The following STIM1 variants were observed in gnomAD, a reference collection of about 807,000 sequenced individuals.
STIM1 encodes stromal interaction molecule 1.
A neutral mutation model predicts 74.7 loss-of-function variants in STIM1; 25 were observed. The ratio of observed to expected loss-of-function variants is 0.33; its 90% CI spans 0.24 to 0.47. The LOEUF is 0.47. Among genes scored for constraint, STIM1 ranks in the 20% least tolerant of loss-of-function variants. STIM1 has a pLI of 1.00. For missense variants in STIM1, 728 were observed against 920.8 expected (o/e 0.79, Z 2.71); for synonymous variants, 328 against 348.8 (o/e 0.94, Z 0.66).
At chr11:3,909,789 C>G (rs1215124070) in intron 1 of STIM1, among the ~76,000 whole-genome samples, 3 of 92,320 alleles carry the variant, frequency 3.2e-5, no homozygotes, top group African/African-American at 4.5e-5. Context: ...GAGACTCCAT[C>G]TCAAAGAAAA....
At chr11:3,999,157 A>G (rs1338647177) in intron 2 of STIM1, among the ~76,000 whole-genome samples, 1 of 152,170 alleles carries the variant, frequency 6.6e-6, no homozygotes, top group East Asian at 1.9e-4. Context: ...ACTAGCCTGG[A>G]CAATATGGTA....
chr11:4,038,420 T>TA lies in STIM1; in HGVS notation c.385+14444dup, dbSNP rs1225876065. 4.3e-4 allele frequency among the ~76,000 whole-genome samples: 63 copies of TA among 146,450 alleles called. 1 individual carries two copies. Among genetic ancestry groups the TA allele is most frequent in the Middle Eastern group, 3.5e-3 (1 of 288 alleles). ...TACCCTAAAACTTAAAGTATAATAA[T>TA]AAAAAAAAAAAGAAGCTTCCAGTAG... On this transcript the variant is annotated intron_variant, in intron 3 of 12. Coordinates refer to ENST00000526596, the MANE Select transcript of STIM1 (RefSeq NM_001382567.1).
chr11:3,990,876 A>T (rs911221336), intron 2 of STIM1, among the ~76,000 whole-genome samples: 1 of 152,076 alleles, frequency 6.6e-6, no homozygotes, highest in Non-Finnish European at 1.5e-5. Flanking sequence ...ATATTGCGTG[A>T]TGCTGAGGTT....
intron 1 of STIM1, among the ~76,000 whole-genome samples, chr11:3,862,494 T>G (rs921864591): frequency 1.3e-5 from 2 of 152,124 alleles, no homozygotes; most frequent in African/African-American, 4.8e-5. Flanking sequence ...CACCTCACCT[T>G]CACTCGCCAA....
intron 7 of STIM1, among the ~76,000 whole-genome samples, chr11:4,075,781 A>G (rs1025511906): frequency 1.3e-5 from 2 of 152,254 alleles, no homozygotes; most frequent in African/African-American, 4.8e-5. Flanking sequence ...CTGTCAAACA[A>G]TTTTCCAAAA....
chr11:3,968,993 C>A lies in STIM1; in HGVS notation c.270+1311C>A, dbSNP rs1354676091. On this transcript the variant is annotated intron_variant, in intron 2 of 12. Transcript: ENST00000526596. The stretch of plus-strand genomic sequence containing the variant: ...TCAGTGCAGATCTGATTTCAAAGCC[C>A]ATGCTCTTAAGTACTGCTGTATTGT... 1.2e-4 allele frequency among the ~76,000 whole-genome samples: 18 copies of A among 152,202 alleles called. 1 individual carries two copies. Among genetic ancestry groups the A allele is most frequent in the Non-Finnish European group, 2.6e-4 (18 of 68,042 alleles).
At chr11:4,032,422 A>G (rs1221649365) in intron 3 of STIM1, among the ~76,000 whole-genome samples, 2 of 152,212 alleles carry the variant, frequency 1.3e-5, no homozygotes, top group African/African-American at 4.8e-5. Context: ...TGCCAGTACC[A>G]TGCTATTTTG....
At chr11:4,000,485 T>C (rs915324307) in intron 2 of STIM1, among the ~76,000 whole-genome samples, 2 of 151,732 alleles carry the variant, frequency 1.3e-5, no homozygotes, top group South Asian at 4.2e-4. Context: ...GGGTCTGGAG[T>C]GGACCTCTAG....
rs553071261 is a variant in STIM1, at chr11:3,895,944, G to A, written c.139+39535G>A. Among the ~76,000 whole-genome samples, 453 of 135,570 alleles carry A rather than the reference G, an allele frequency of 3.3e-3. 4 individuals carry two copies. Among genetic ancestry groups the A allele is most frequent in the Non-Finnish European group, 4.2e-3 (272 of 64,924 alleles). The allele number at this position is 135,570 out of a possible 152,430, so 88.9% of individuals were successfully genotyped here. On this transcript the variant is annotated intron_variant, in intron 1 of 12. Transcript: ENST00000526596. ...TTTTGAGATGGAGTCTTGCTCTGTT[G>A]CCCAGGCTGGAGTGTAGTGGCGCGA...
intron 1 of STIM1, among the ~76,000 whole-genome samples, chr11:3,937,742 C>T (rs1006104509): frequency 6.6e-6 from 1 of 152,016 alleles, no homozygotes; most frequent in South Asian, 2.1e-4. Context: ...AGGAGGAAAC[C>T]TCCACAATTT....
intron 3 of STIM1, among the ~76,000 whole-genome samples, chr11:4,039,314 C>T (rs1049047916): frequency 9.2e-5 from 14 of 151,728 alleles, no homozygotes; most frequent in Admixed American, 7.9e-4. Flanking sequence ...AGAAGCTGGG[C>T]GTGGTGGCTC....
At chr11:4,038,679 G>C (rs1452587493) in intron 3 of STIM1, among the ~76,000 whole-genome samples, 1 of 152,116 alleles carries the variant, frequency 6.6e-6, no homozygotes, top group Non-Finnish European at 1.5e-5. Context: ...TTCCATCTCT[G>C]GTACTTCAGC....
At chr11:3,878,875 C>A (rs2091395059) in intron 1 of STIM1, among the ~76,000 whole-genome samples, 1 of 152,160 alleles carries the variant, frequency 6.6e-6, no homozygotes, top group Non-Finnish European at 1.5e-5. Context: ...ACAGTTTGGC[C>A]TTATCGTGCC....
chr11:4,069,028 C>G (rs764398744), intron 5 of STIM1, among the ~76,000 whole-genome samples: 1 of 152,074 alleles, frequency 6.6e-6, no homozygotes, highest in Non-Finnish European at 1.5e-5. Context: ...CCCTTTTTTC[C>G]CTCTTTCTCT....
At position 3,871,775 on chromosome 11, in the gene STIM1, T is replaced by C. The variant is rs189736019; in HGVS notation, c.139+15366T>C. Among the ~76,000 whole-genome samples the C allele has an allele frequency of 8.8e-3, 1,340 of 152,332 alleles. 7 individuals are homozygous for C. The highest frequency in any genetic ancestry group is 0.015 in the Non-Finnish European group (988 of 68,028). On this transcript the variant is annotated intron_variant, in intron 1 of 12. Transcript: ENST00000526596. ...AGAATTAGGTAGGCTTAGTTTAGCC[T>C]GGGTTCTGTTACTCTTGACTTTTCT...
At position 3,895,675 on chromosome 11, in the gene STIM1, C is replaced by CT. The variant is rs1565104868; in HGVS notation, c.139+39268dup. The stretch of plus-strand genomic sequence containing the variant: ...CTTTCTTTCTTTCTTTCTTTCTTTC[C>CT]TTCCTTCCTTCTTTCTTTCTTTCTT... On this transcript the variant is annotated intron_variant, in intron 1 of 12. Coordinates refer to ENST00000526596, the MANE Select transcript of STIM1 (RefSeq NM_001382567.1). 2.4e-4 allele frequency among the ~76,000 whole-genome samples: 12 copies of CT among 49,178 alleles called. 1 individual carries two copies. Among genetic ancestry groups the CT allele is most frequent in the African/African-American group, 3.6e-4 (3 of 8,236 alleles). 32.3% of individuals were successfully genotyped at this position (49,178 alleles called of 152,430 possible). A position where few individuals can be genotyped will look rare whatever the true frequency, so the allele number is the denominator to read the frequency against.
chr11:4,005,975 T>G (rs2093776067), intron 2 of STIM1, among the ~76,000 whole-genome samples: 1 of 152,152 alleles, frequency 6.6e-6, no homozygotes. Flanking sequence ...AAGAGGTAAA[T>G]AAGAGTTGGT....
chr11:3,855,228 C>T (rs144284425), upstream of STIM1: 1 of 152,564 alleles, frequency 6.6e-6, no homozygotes, highest in Non-Finnish European at 1.5e-5. Flanking sequence ...CAGGCAGCTC[C>T]TGGGAGGCTA....
rs2093978137 is a variant in STIM1 at position 4,023,884 on chromosome 11, A to G, written c.282A>G (p.Glu94=). 6.2e-7 allele frequency: 1 copy of G among 1,613,718 alleles called. No individual in the cohort carries two copies. The highest frequency in any genetic ancestry group is 1.7e-5 in the Admixed American group (1 of 59,994). ...CTTTTCCCTTGCAGTTCCTGAGGGA[A>G]GACCTCAATTACCATGACCCAACAG... ...DVEESDEFLR[E]DLNYHDPTVK... is the part of the protein sequence containing the mutation. The change falls in exon 3 of 13, where the codon GAA becomes GAG. Residue 94 remains glutamate, a synonymous_variant. Coordinates refer to ENST00000526596, the MANE Select transcript of STIM1 (RefSeq NM_001382567.1).
Sources: allele counts gnomAD v4.1 joint callset (sites outside exome capture counted in the v4.1 genomes callset), GRCh38; gene constraint gnomAD v4.1.1; transcripts MANE v1.5; gene names NCBI Gene and HGNC (gene_info 2026-07-23, HGNC 2026-07-21).